The following RFX3 variants were observed in gnomAD, a reference collection of about 807,000 sequenced individuals.
RFX3 encodes the protein regulatory factor X3, also known as transcription factor RFX3.
A neutral mutation model predicts 98.6 loss-of-function variants in RFX3; 14 were observed. The observed-to-expected ratio is 0.14, with a 90% CI of 0.09 to 0.22. RFX3 has a LOEUF of 0.22. RFX3 is among the 10% of genes least tolerant of loss of function. The pLI, the probability that RFX3 is intolerant of heterozygous loss-of-function variation, is 1.00. For synonymous variants in RFX3, 383 were observed against 328.4 expected, an observed-to-expected ratio of 1.17 and a Z score of -1.80; for missense variants, 639 against 926.9, an observed-to-expected ratio of 0.69 and a Z score of 4.03.
intron 2 of RFX3, among the ~76,000 whole-genome samples, chr9:3,378,551 CTTTCTTTTTTTTTT>C (rs1838806022): frequency 7.2e-6 from 1 of 138,738 alleles, no homozygotes; most frequent in Non-Finnish European, 1.6e-5. Context: ...TATTTTTTTT[CTTTCTTTTTTTTTT>C]TTTTTTTTGA....
intron 11 of RFX3, among the ~76,000 whole-genome samples, chr9:3,269,490 T>A (rs1229786180): frequency 6.6e-6 from 1 of 152,066 alleles, no homozygotes; most frequent in Non-Finnish European, 1.5e-5. Context: ...CAATGTAGAG[T>A]AGTAACTGTC....
At chr9:3,503,830 A>G (rs1816313514) in intron 1 of RFX3, among the ~76,000 whole-genome samples, 1 of 152,086 alleles carries the variant, frequency 6.6e-6, no homozygotes, top group Non-Finnish European at 1.5e-5. Context: ...TTTTTATCAC[A>G]GAAGCCATCA....
intron 3 of RFX3, among the ~76,000 whole-genome samples, chr9:3,341,360 A>T (rs867239982): frequency 6.6e-6 from 1 of 151,924 alleles, no homozygotes; most frequent in African/African-American, 2.4e-5. Context: ...CATATGTAAC[A>T]AACCTGCACA....
At chr9:3,353,181 A>G (rs1835357746) in intron 2 of RFX3, among the ~76,000 whole-genome samples, 1 of 119,988 alleles carries the variant, frequency 8.3e-6, no homozygotes, top group Non-Finnish European at 1.6e-5. Context: ...GGAACATCAC[A>G]CTCTGGGGAC....
Position 3,292,061 on chromosome 9 carries a change from CAAAAAAAAAAAAAAAAAAAA to C in RFX3, c.731+996_731+1015del, listed in dbSNP as rs58788880. Among the ~76,000 whole-genome samples, 82 of 23,942 alleles carry C rather than the reference CAAAAAAAAAAAAAAAAAAAA, an allele frequency of 3.4e-3. 2 individuals are homozygous for C. The East Asian group carries it at 0.034, about 10-fold the overall frequency. The allele number at this position is 23,942 out of a possible 152,430, so 15.7% of individuals were successfully genotyped here. On this transcript the variant is annotated intron_variant, in intron 6 of 16. Transcript: ENST00000617270. The stretch of plus-strand genomic sequence containing the variant: ...ACAGAAACAGAGTGAGACTCCATCT[CAAAAAAAAAAAAAAAAAAAA>C]AAAAAAAAAAAAAAAAAAACTCTTT...
chr9:3,503,759 A>T (rs532255290), intron 1 of RFX3, among the ~76,000 whole-genome samples: 16 of 152,238 alleles, frequency 1.1e-4, no homozygotes, highest in African/African-American at 3.4e-4. Flanking sequence ...ATCAAAGATG[A>T]CTAGATGATA....
At chr9:3,344,822 C>G in intron 3 of RFX3, 1 of 714,318 alleles carries the variant, frequency 1.4e-6, no homozygotes. Flanking sequence ...GTATAAATGC[C>G]AACAGTAGTT....
chr9:3,461,257 C>CT (rs1847661942), intron 1 of RFX3, among the ~76,000 whole-genome samples: 1 of 151,810 alleles, frequency 6.6e-6, no homozygotes, highest in East Asian at 1.9e-4. Context: ...GTTTGCCACC[C>CT]AATAAAGTTC....
intron 5 of RFX3, among the ~76,000 whole-genome samples, chr9:3,297,938 C>T (rs1828189393): frequency 1.3e-5 from 2 of 151,788 alleles, no homozygotes; most frequent in South Asian, 4.1e-4. Context: ...AGTGAACACA[C>T]CACAACCATT....
chr9:3,330,634 A>G (rs1832483656), intron 3 of RFX3, 117 bp from the exon 4 acceptor site: 1 of 919,932 alleles, frequency 1.1e-6, no homozygotes, highest in African/African-American at 1.7e-5. Context: ...CAACATGGCA[A>G]GTTTCGCATT....
intron 1 of RFX3, among the ~76,000 whole-genome samples, chr9:3,483,719 T>A (rs749120347): frequency 2.0e-5 from 3 of 152,218 alleles, no homozygotes; most frequent in Non-Finnish European, 4.4e-5. Flanking sequence ...AAGACATACA[T>A]ACCAGTGCCA....
chr9:3,278,236 A>T (rs1366632095), intron 7 of RFX3, among the ~76,000 whole-genome samples: 1 of 151,826 alleles, frequency 6.6e-6, no homozygotes, highest in African/African-American at 2.4e-5. Flanking sequence ...AAAACAAAAC[A>T]TAAAAAAGCC....
At chr9:3,375,300 G>C (rs545042781) in intron 2 of RFX3, among the ~76,000 whole-genome samples, 56 of 152,298 alleles carry the variant, frequency 3.7e-4, no homozygotes, top group Admixed American at 3.5e-3. Flanking sequence ...ATCAGGATGA[G>C]CTGTGCACAT....
chr9:3,325,089 G>T (rs923809380), intron 4 of RFX3, among the ~76,000 whole-genome samples: 1 of 152,130 alleles, frequency 6.6e-6, no homozygotes, highest in African/African-American at 2.4e-5. Context: ...TTTTGAATGT[G>T]CAACTTAAGA....
At chr9:3,360,155 ATAAT>A (rs1836242958) in intron 2 of RFX3, among the ~76,000 whole-genome samples, 1 of 152,152 alleles carries the variant, frequency 6.6e-6, no homozygotes, top group Non-Finnish European at 1.5e-5. Context: ...TAGAGAAGAG[ATAAT>A]TAAATAAACT....
At chr9:3,523,891 C>A (rs770984535) in intron 1 of RFX3, among the ~76,000 whole-genome samples, 5 of 152,166 alleles carry the variant, frequency 3.3e-5, no homozygotes, top group African/African-American at 4.8e-5. Context: ...ATATCGTCTT[C>A]ATTTAAAATA....
At chr9:3,443,991 C>T (rs1845825714) in intron 1 of RFX3, among the ~76,000 whole-genome samples, 1 of 152,182 alleles carries the variant, frequency 6.6e-6, no homozygotes, top group Non-Finnish European at 1.5e-5. Context: ...ACAGTGCAAA[C>T]AGTCTGTGTA....
chr9:3,247,884 C>G lies in RFX3; in HGVS notation c.1968+148G>C, dbSNP rs1289491679. The G allele has an allele frequency of 1.9e-6, 3 of 1,609,140 alleles. No homozygotes were observed. The South Asian group carries it at 3.3e-5, about 18-fold the overall frequency. On this transcript the variant is annotated intron_variant, in intron 15 of 16. Coordinates refer to ENST00000617270, the MANE Select transcript of RFX3 (RefSeq NM_001282116.2). ...CATAAGAACAGAGGAATTTAAGGAA[C>G]TCTTGCAATAACTCCACAGTCCCTC...
chr9:3,229,460 A>G (rs1818199420), intron 15 of RFX3, among the ~76,000 whole-genome samples: 1 of 152,246 alleles, frequency 6.6e-6, no homozygotes, highest in Non-Finnish European at 1.5e-5. Flanking sequence ...TAAAAAGAAA[A>G]GCATCTGATC....
Sources: allele counts gnomAD v4.1 joint callset (sites outside exome capture counted in the v4.1 genomes callset), GRCh38; gene constraint gnomAD v4.1.1; transcripts MANE v1.5; gene names NCBI Gene and HGNC (gene_info 2026-07-23, HGNC 2026-07-21).